Variants in NRG2 observed in about 807,000 individuals in gnomAD.
The protein encoded by NRG2 is neuregulin 2.
Under a neutral mutation model 73.9 loss-of-function variants are expected in NRG2, and 27 were observed. The observed-to-expected ratio is 0.37, with a 90% CI of 0.27 to 0.50. The LOEUF is 0.50. Ranked by LOEUF, NRG2 falls within the 20% of genes least tolerant of loss-of-function variation. The pLI, the probability that NRG2 is intolerant of heterozygous loss-of-function variation, is 0.96. For synonymous variants in NRG2, 532 were observed against 541.0 expected (o/e 0.98, Z 0.23); for missense variants, 1,126 against 1,210.1 (o/e 0.93, Z 1.03).
At chr5:139,997,218 C>G (rs544681662) in intron 1 of NRG2, among the ~76,000 whole-genome samples, 1 of 152,066 alleles carries the variant, frequency 6.6e-6, no homozygotes, top group Non-Finnish European at 1.5e-5. Context: ...GAGAACTCCT[C>G]CAATTTTAAT....
intron 3 of NRG2, among the ~76,000 whole-genome samples, chr5:139,876,042 C>T (rs1262373718): frequency 6.6e-6 from 1 of 152,152 alleles, no homozygotes; most frequent in Admixed American, 6.6e-5. Context: ...GCCCAGATGT[C>T]CACAGCAGCA....
chr5:140,012,644 C>T (rs1328883992), intron 1 of NRG2, among the ~76,000 whole-genome samples: 4 of 152,134 alleles, frequency 2.6e-5, no homozygotes. Flanking sequence ...CCTACCAACT[C>T]CTACCTTCCA....
chr5:139,903,164 A>C (rs923455332), intron 1 of NRG2, among the ~76,000 whole-genome samples: 2 of 152,174 alleles, frequency 1.3e-5, no homozygotes, highest in Non-Finnish European at 2.9e-5. Flanking sequence ...TTTTGAAGGC[A>C]TTTTTATGTT....
intron 1 of NRG2, among the ~76,000 whole-genome samples, chr5:140,006,704 G>A (rs896511664): frequency 3.3e-5 from 5 of 152,112 alleles, no homozygotes; most frequent in African/African-American, 4.8e-5. Context: ...GACATGCCAG[G>A]AAAAGATGCA....
intron 1 of NRG2, among the ~76,000 whole-genome samples, chr5:139,925,714 A>G (rs1337877206): frequency 6.6e-6 from 1 of 152,214 alleles, no homozygotes; most frequent in Non-Finnish European, 1.5e-5. Context: ...TGGGATGTAC[A>G]ACCGTGCTGG....
chr5:140,030,787 A>G (rs1761078868), intron 1 of NRG2, among the ~76,000 whole-genome samples: 1 of 152,172 alleles, frequency 6.6e-6, no homozygotes, highest in Admixed American at 6.5e-5. Flanking sequence ...TTGGCTCTAC[A>G]TGGTGGGATT....
intron 1 of NRG2, among the ~76,000 whole-genome samples, chr5:139,895,469 G>A (rs565202097): frequency 6.6e-6 from 1 of 152,330 alleles, no homozygotes; most frequent in South Asian, 2.1e-4. Context: ...GTCTCCCTGG[G>A]TTCTTAGCAG....
intron 1 of NRG2, among the ~76,000 whole-genome samples, chr5:139,917,743 CT>C (rs1751370425): frequency 6.6e-6 from 1 of 151,946 alleles, no homozygotes; most frequent in South Asian, 2.1e-4. Context: ...GGTCATTTAT[CT>C]TTTTATAATT....
chr5:139,988,287 T>C lies in NRG2; in HGVS notation c.700+54083A>G, dbSNP rs918908748. 3.5e-4 allele frequency among the ~76,000 whole-genome samples: 53 copies of C among 152,052 alleles called. 5 individuals carry two copies. The highest frequency in any genetic ancestry group is 2.9e-5 in the Non-Finnish European group (2 of 67,968). ...ATACTCTTACCATATAATCCAGCAATTGAGCTCTCTGGTATTTACCCAAAG... is the reference window on the plus strand; with the variant it reads ...ATACTCTTACCATATAATCCAGCAACTGAGCTCTCTGGTATTTACCCAAAG... On this transcript the variant is annotated intron_variant, in intron 1 of 9. Transcript: ENST00000361474.
intron 3 of NRG2, among the ~76,000 whole-genome samples, chr5:139,873,686 G>T (rs1024611216): frequency 6.6e-6 from 1 of 152,254 alleles, no homozygotes; most frequent in African/African-American, 2.4e-5. Context: ...GCCTGGATCT[G>T]CCAGGCCCAG....
chr5:139,910,719 A>T (rs960247616), intron 1 of NRG2, among the ~76,000 whole-genome samples: 1 of 152,054 alleles, frequency 6.6e-6, no homozygotes, highest in East Asian at 1.9e-4. Flanking sequence ...CTCCTATGGG[A>T]CACAAGTTCA....
chr5:139,960,330 C>T (rs1344003996), intron 1 of NRG2, among the ~76,000 whole-genome samples: 3 of 152,232 alleles, frequency 2.0e-5, no homozygotes, highest in African/African-American at 2.4e-5. Flanking sequence ...GCCCAGCCAA[C>T]GTGGTGAAAC....
intron 3 of NRG2, among the ~76,000 whole-genome samples, chr5:139,872,819 G>A (rs1762948030): frequency 6.6e-6 from 1 of 152,138 alleles, no homozygotes. Context: ...GAACATTCTC[G>A]CCCCAAACAT....
intron 1 of NRG2, among the ~76,000 whole-genome samples, chr5:139,910,089 C>T (rs771446015): frequency 6.6e-6 from 1 of 152,146 alleles, no homozygotes; most frequent in African/African-American, 2.4e-5. Context: ...TTTGTTTGGG[C>T]CCAGTTTTGC....
At chr5:139,958,344 G>T (rs1215982756) in intron 1 of NRG2, among the ~76,000 whole-genome samples, 1 of 152,128 alleles carries the variant, frequency 6.6e-6, no homozygotes, top group African/African-American at 2.4e-5. Flanking sequence ...AAAATGGCGA[G>T]CTTTTTCAAG....
chr5:140,027,176 G>T (rs1760761748), intron 1 of NRG2, among the ~76,000 whole-genome samples: 3 of 152,048 alleles, frequency 2.0e-5, no homozygotes. Flanking sequence ...TAGAGATGAG[G>T]TCTCCATATG....
At chr5:139,881,140 AC>A (rs893189885) in intron 2 of NRG2, among the ~76,000 whole-genome samples, 166 bp from the exon 3 acceptor site, 2 of 152,188 alleles carry the variant, frequency 1.3e-5, no homozygotes, top group African/African-American at 4.8e-5. Flanking sequence ...CAGGTGGGGC[AC>A]GGAGTCCCTG....
chr5:139,999,564 G>A (rs1449482192), intron 1 of NRG2, among the ~76,000 whole-genome samples: 1 of 152,204 alleles, frequency 6.6e-6, no homozygotes, highest in Non-Finnish European at 1.5e-5. Context: ...GACGTTCTCT[G>A]TTCGTACCTG....
At chr5:139,974,138 A>G (rs265165) in intron 1 of NRG2, among the ~76,000 whole-genome samples, 47,604 of 151,902 alleles carry the variant, frequency 0.31, 8,192 homozygotes, top group African/African-American at 0.46. Context: ...TCTGGAGATA[A>G]AAATGTTTCA....
Sources: gnomAD v4.1 joint callset for allele counts (sites outside exome capture counted in the v4.1 genomes callset) on GRCh38, gnomAD v4.1.1 for gene constraint, MANE v1.5 for transcripts, NCBI Gene and HGNC (gene_info 2026-07-23, HGNC 2026-07-21) for gene names.